The following ADGRB3 variants were observed in gnomAD, a reference collection of about 807,000 sequenced individuals.
The protein encoded by ADGRB3 is brain-specific angiogenesis inhibitor 3.
ADGRB3 carries 37 observed loss-of-function variants against 193.4 expected under a neutral mutation model. The observed-to-expected ratio is 0.19, with a 90% confidence interval of 0.15 to 0.25. The LOEUF (loss-of-function observed/expected upper bound fraction) is 0.25, where lower values mean the gene tolerates loss of function less well. Ranked by LOEUF, ADGRB3 falls within the 10% of genes least tolerant of loss-of-function variation. The pLI is 1.00. For synonymous variants in ADGRB3, 690 were observed against 644.2 expected (o/e 1.07, Z -1.08); for missense variants, 1,637 against 1,852.9 (o/e 0.88, Z 2.14).
intron 20 of ADGRB3, among the ~76,000 whole-genome samples, chr6:69,277,129 G>A (rs1230146752): frequency 2.0e-5 from 3 of 151,588 alleles, no homozygotes; most frequent in African/African-American, 7.3e-5. Context: ...CAAGTAGCTG[G>A]GATTACAGGC....
intron 3 of ADGRB3, among the ~76,000 whole-genome samples, chr6:68,911,369 T>A (rs1766705139): frequency 6.6e-6 from 1 of 151,868 alleles, no homozygotes; most frequent in South Asian, 2.1e-4. Flanking sequence ...TATACGTATG[T>A]AACAAACCTG....
At chr6:68,718,873 A>G (rs1765528379) in intron 3 of ADGRB3, among the ~76,000 whole-genome samples, 1 of 151,768 alleles carries the variant, frequency 6.6e-6, no homozygotes, top group Non-Finnish European at 1.5e-5. Flanking sequence ...AGCCACGTCT[A>G]TTTGATGACA....
At chr6:69,088,841 A>G (rs1772626968) in intron 17 of ADGRB3, among the ~76,000 whole-genome samples, 1 of 152,230 alleles carries the variant, frequency 6.6e-6, no homozygotes, top group African/African-American at 2.4e-5. Context: ...CACCTACGCC[A>G]CCTAGAATAA....
intron 20 of ADGRB3, among the ~76,000 whole-genome samples, chr6:69,277,491 G>A (rs1205708310): frequency 6.6e-6 from 1 of 152,072 alleles, no homozygotes; most frequent in African/African-American, 2.4e-5. Context: ...TCACCAGGGA[G>A]TTGGCACACC....
intron 17 of ADGRB3, among the ~76,000 whole-genome samples, chr6:69,141,314 G>A (rs1432435646): frequency 2.0e-5 from 3 of 152,130 alleles, no homozygotes; most frequent in South Asian, 4.1e-4. Context: ...TAGTAGTGAC[G>A]GGGTTTCACC....
intron 20 of ADGRB3, among the ~76,000 whole-genome samples, chr6:69,287,213 TTG>T (rs1308460808): frequency 1.3e-5 from 2 of 152,172 alleles, no homozygotes; most frequent in African/African-American, 2.4e-5. Flanking sequence ...TTTATGCCAC[TTG>T]TGTTCAATTT....
chr6:68,692,466 T>A lies in ADGRB3; in HGVS notation c.757+53034T>A, dbSNP rs185464055. ...CTCTTTGATCTTGAACTCTTCCTTT[T>A]TATAATTTTTTCCCTAATTTTAAAA... On this transcript the variant is annotated intron_variant, in intron 3 of 31. Transcript: ENST00000370598. Among the ~76,000 whole-genome samples the A allele has an allele frequency of 1.3e-3, 191 of 152,012 alleles. 2 individuals are homozygous for A. The highest frequency in any genetic ancestry group is 4.3e-3 in the African/African-American group (179 of 41,548).
chr6:68,667,731 G>C (rs1768837308), intron 3 of ADGRB3, among the ~76,000 whole-genome samples: 1 of 151,762 alleles, frequency 6.6e-6, no homozygotes, highest in African/African-American at 2.4e-5. Flanking sequence ...GGCCAGCCCA[G>C]ATTCAAGAGT....
intron 17 of ADGRB3, chr6:69,233,073 G>T (rs1414490454): frequency 4.9e-6 from 3 of 616,846 alleles, no homozygotes; most frequent in African/African-American, 1.9e-5. Context: ...ACAGCTCTCT[G>T]CACGCCGCAC....
intron 17 of ADGRB3, among the ~76,000 whole-genome samples, chr6:69,149,922 TTCTG>T (rs1774621472): frequency 8.0e-6 from 1 of 125,546 alleles, no homozygotes; most frequent in Admixed American, 8.6e-5. Flanking sequence ...CTGTCTGTCT[TTCTG>T]TGTGTGTGTG....
chr6:69,030,252 T>G (rs1384628109), intron 13 of ADGRB3, among the ~76,000 whole-genome samples: 2 of 152,106 alleles, frequency 1.3e-5, no homozygotes, highest in African/African-American at 4.8e-5. Flanking sequence ...GACCCAGCAA[T>G]CCCATTGCTA....
At chr6:68,692,740 A>G (rs1303666239) in intron 3 of ADGRB3, among the ~76,000 whole-genome samples, 1 of 151,558 alleles carries the variant, frequency 6.6e-6, no homozygotes, top group African/African-American at 2.4e-5. Flanking sequence ...TTATTTATAT[A>G]ATATAAAATT....
intron 3 of ADGRB3, among the ~76,000 whole-genome samples, chr6:68,882,899 T>C (rs932631379): frequency 5.3e-5 from 8 of 152,056 alleles, no homozygotes; most frequent in East Asian, 3.9e-4. Flanking sequence ...TTTTTTGTTT[T>C]GTTTTGTTTT....
chr6:68,840,385 T>C, intron 3 of ADGRB3, among the ~76,000 whole-genome samples: 1 of 49,672 alleles, frequency 2.0e-5, no homozygotes, highest in Non-Finnish European at 4.8e-5. Flanking sequence ...TTTTTTTTTT[T>C]TTTTTTTTTT....
At chr6:68,875,731 T>TA (rs550773705) in intron 3 of ADGRB3, among the ~76,000 whole-genome samples, 213 of 151,948 alleles carry the variant, frequency 1.4e-3, no homozygotes, top group African/African-American at 4.9e-3. Context: ...TTTAATCACA[T>TA]AAAAAAAATA....
At chr6:69,027,136 T>TAA (rs1770457089) in intron 13 of ADGRB3, among the ~76,000 whole-genome samples, 1 of 152,130 alleles carries the variant, frequency 6.6e-6, no homozygotes, top group African/African-American at 2.4e-5. Context: ...AAACATATTG[T>TAA]ACAGCTGTAA....
intron 3 of ADGRB3, among the ~76,000 whole-genome samples, chr6:68,712,336 T>A (rs1439796780): frequency 1.3e-5 from 2 of 152,104 alleles, no homozygotes; most frequent in Non-Finnish European, 2.9e-5. Context: ...ACCACAGGCA[T>A]TCAGTAGCTA....
intron 3 of ADGRB3, among the ~76,000 whole-genome samples, chr6:68,766,181 C>A (rs1189949495): frequency 2.0e-5 from 3 of 151,820 alleles, no homozygotes; most frequent in African/African-American, 7.2e-5. Context: ...TTATGTATTT[C>A]TCTTAATTGT....
chr6:68,763,873 G>A (rs1201420701), intron 3 of ADGRB3, among the ~76,000 whole-genome samples: 2 of 152,122 alleles, frequency 1.3e-5, no homozygotes, highest in Non-Finnish European at 2.9e-5. Context: ...AGGAGCTCAA[G>A]GCCAGCCTGG....
Sources: gnomAD v4.1 joint callset for allele counts (sites outside exome capture counted in the v4.1 genomes callset) on GRCh38, gnomAD v4.1.1 for gene constraint, MANE v1.5 for transcripts, NCBI Gene and HGNC (gene_info 2026-07-23, HGNC 2026-07-21) for gene names.